The following CAPZA2 variants were observed in gnomAD, a reference collection of about 807,000 sequenced individuals.
The protein encoded by CAPZA2 is capping actin protein of muscle Z-line subunit alpha 2, also known as F-actin-capping protein subunit alpha-2.
A neutral mutation model predicts 44.0 loss-of-function variants in CAPZA2; 13 were observed. That is an observed-to-expected ratio of 0.30 (90% CI 0.19 to 0.47). The LOEUF (loss-of-function observed/expected upper bound fraction) is 0.47, where lower values mean the gene tolerates loss of function less well. Ranked by LOEUF, CAPZA2 falls within the 20% of genes least tolerant of loss-of-function variation. The pLI, the probability that CAPZA2 is intolerant of heterozygous loss-of-function variation, is 1.00. For missense variants in CAPZA2, 244 were observed against 338.6 expected (o/e 0.72, Z 2.19); for synonymous variants, 94 against 108.2 (o/e 0.87, Z 0.81).
chr7:116,895,495 A>T (rs1796912489), intron 3 of CAPZA2, among the ~76,000 whole-genome samples: 2 of 152,132 alleles, frequency 1.3e-5, no homozygotes, highest in Admixed American at 1.3e-4. Context: ...GTGCATTGTA[A>T]CAGGAAATAC....
intron 4 of CAPZA2, among the ~76,000 whole-genome samples, 161 bp from the exon 5 acceptor site, chr7:116,904,016 C>G (rs1295645884): frequency 6.6e-6 from 1 of 152,122 alleles, no homozygotes; most frequent in Non-Finnish European, 1.5e-5. Context: ...ATAGTCAACT[C>G]ATTTGAAGTA....
intron 1 of CAPZA2, among the ~76,000 whole-genome samples, chr7:116,862,924 G>GGGGCGC (rs1244484018): frequency 2.0e-5 from 3 of 152,018 alleles, no homozygotes; most frequent in Non-Finnish European, 4.4e-5. Context: ...ACGGCGGGCG[G>GGGGCGC]GGGCGCGGGC....
intron 1 of CAPZA2, among the ~76,000 whole-genome samples, chr7:116,867,814 G>C (rs1343482782): frequency 6.6e-6 from 1 of 152,102 alleles, no homozygotes; most frequent in Non-Finnish European, 1.5e-5. Flanking sequence ...GAACTCCTGA[G>C]CTCAGGTGAT....
intron 1 of CAPZA2, among the ~76,000 whole-genome samples, chr7:116,885,775 C>T (rs574997678): frequency 2.6e-4 from 40 of 152,288 alleles, no homozygotes; most frequent in Non-Finnish European, 4.4e-4. Flanking sequence ...ATGCTCTCCC[C>T]AGGCACACTA....
intron 4 of CAPZA2, among the ~76,000 whole-genome samples, chr7:116,901,872 A>C: frequency 7.6e-6 from 1 of 131,500 alleles, no homozygotes; most frequent in African/African-American, 3.2e-5. Context: ...TGCTTGAAAT[A>C]ACGAAGAAAT....
chr7:116,895,936 G>A (rs1302536656), intron 3 of CAPZA2, among the ~76,000 whole-genome samples: 1 of 152,006 alleles, frequency 6.6e-6, no homozygotes, highest in African/African-American at 2.4e-5. Context: ...ATAATAATTT[G>A]TTACCTATCA....
At position 116,916,023 on chromosome 7, in the gene CAPZA2, T is replaced by C. The variant is rs767764004; in HGVS notation, c.658-37T>C. On this transcript the variant is annotated intron_variant, in intron 8 of 9. Coordinates refer to ENST00000361183, the MANE Select transcript of CAPZA2 (RefSeq NM_006136.3). The stretch of plus-strand genomic sequence containing the variant: ...TTTTAAAATAATAGTGGTTTAGTTT[T>C]AAATTACTATTTTTATTTTGTTTTT... The C allele has an allele frequency of 8.0e-6, 11 of 1,375,798 alleles. No homozygotes were observed. In the South Asian group the frequency reaches 1.5e-4, roughly 19 times the overall value. The allele number at this position is 1,375,798 out of a possible 1,614,324, so 85.2% of individuals were successfully genotyped here.
intron 5 of CAPZA2, 176 bp downstream of exon 5, chr7:116,904,559 T>C (rs1232409039): frequency 1.1e-5 from 6 of 566,666 alleles, no homozygotes; most frequent in African/African-American, 5.6e-5. Flanking sequence ...TAAATAGATA[T>C]ACTAGGATGG....
chr7:116,878,963 TA>T (rs972871011), intron 1 of CAPZA2, among the ~76,000 whole-genome samples: 1 of 151,628 alleles, frequency 6.6e-6, no homozygotes, highest in African/African-American at 2.4e-5. Context: ...CCATCTCTGC[TA>T]AAAATACAAA....
At chr7:116,889,817 T>G (rs895938694) in intron 2 of CAPZA2, among the ~76,000 whole-genome samples, 1 of 152,160 alleles carries the variant, frequency 6.6e-6, no homozygotes, top group Non-Finnish European at 1.5e-5. Context: ...ATCCAGAAAT[T>G]AAAATCTGCT....
At chr7:116,876,218 C>T (rs1340545333) in intron 1 of CAPZA2, 3 of 151,566 alleles carry the variant, frequency 2.0e-5, no homozygotes, top group South Asian at 2.1e-4. Flanking sequence ...CCGCTGCACT[C>T]CAGCCTGGGT....
At chr7:116,889,298 A>G (rs1178158794) in intron 2 of CAPZA2, among the ~76,000 whole-genome samples, 1 of 152,236 alleles carries the variant, frequency 6.6e-6, no homozygotes, top group African/African-American at 2.4e-5. Flanking sequence ...TTCTTCATAT[A>G]CATTTGAACT....
Position 116,906,357 on chromosome 7 carries a change from T to C in CAPZA2, c.506+15T>C. On this transcript the variant is annotated intron_variant, in intron 6 of 9. Coordinates refer to ENST00000361183, the MANE Select transcript of CAPZA2 (RefSeq NM_006136.3). ...AAAAATTTTTGGTAAGTTAAAATTT[T>C]GGATATTGGGGAGTTTTGGCATTGT... 1 of 1,610,354 alleles carries C rather than the reference T, an allele frequency of 6.2e-7. No individual in the cohort carries two copies. The highest frequency in any genetic ancestry group is 8.5e-7 in the Non-Finnish European group (1 of 1,179,108).
chr7:116,906,149 AT>A lies in CAPZA2; in HGVS notation c.427-110del, dbSNP rs560659558. On this transcript the variant is annotated intron_variant, in intron 5 of 9. Transcript: ENST00000361183. ...ATATTGGAATGATGGCCTACTTTGT[AT>A]TTTATGTGTTCTTGTCAAAGTACTG... 768 of 1,428,488 alleles carry A rather than the reference AT, an allele frequency of 5.4e-4. 2 individuals are homozygous for A. Among genetic ancestry groups the A allele is most frequent in the Admixed American group, 3.0e-3 (96 of 31,944 alleles). 88.5% of individuals were successfully genotyped at this position (1,428,488 alleles called of 1,614,324 possible).
intron 5 of CAPZA2, among the ~76,000 whole-genome samples, chr7:116,905,964 A>G (rs1397206761): frequency 6.6e-6 from 1 of 152,236 alleles, no homozygotes; most frequent in African/African-American, 2.4e-5. Flanking sequence ...TATGTTTAAA[A>G]TAAATTATCT....
chr7:116,892,551 A>G (rs1796861136), intron 2 of CAPZA2, among the ~76,000 whole-genome samples: 1 of 152,088 alleles, frequency 6.6e-6, no homozygotes, highest in African/African-American at 2.4e-5. Flanking sequence ...TACATTACAT[A>G]TAGCAGGGGT....
intron 5 of CAPZA2, among the ~76,000 whole-genome samples, chr7:116,905,410 A>G (rs569772597): frequency 1.0e-3 from 152 of 152,172 alleles, no homozygotes; most frequent in Non-Finnish European, 1.8e-3. Flanking sequence ...CCCTGTGACC[A>G]CGTGGCCTCT....
At chr7:116,880,466 C>T (rs1585004166) in intron 1 of CAPZA2, among the ~76,000 whole-genome samples, 1 of 151,040 alleles carries the variant, frequency 6.6e-6, no homozygotes, top group Non-Finnish European at 1.5e-5. Context: ...AGCGTGATCT[C>T]GGCTCACTGC....
intron 1 of CAPZA2, among the ~76,000 whole-genome samples, chr7:116,883,152 A>G (rs1020688257): frequency 6.6e-6 from 1 of 152,238 alleles, no homozygotes; most frequent in African/African-American, 2.4e-5. Context: ...TTAAAAAGCT[A>G]TAATTCCCAA....
Sources: gnomAD v4.1 joint callset for allele counts (sites outside exome capture counted in the v4.1 genomes callset) on GRCh38, gnomAD v4.1.1 for gene constraint, MANE v1.5 for transcripts, NCBI Gene and HGNC (gene_info 2026-07-23, HGNC 2026-07-21) for gene names.